The following FRMPD1 variants were observed in gnomAD, a reference collection of about 807,000 sequenced individuals.
FRMPD1 encodes FERM and PDZ domain containing 1, also known as FERM and PDZ domain-containing protein 1.
A neutral mutation model predicts 117.8 loss-of-function variants in FRMPD1; 76 were observed. The observed-to-expected ratio is 0.65, with a 90% CI of 0.54 to 0.78. The LOEUF is 0.78. Among genes scored for constraint, FRMPD1 ranks in the 30% least tolerant of loss-of-function variants. FRMPD1 has a pLI of 0.00. For synonymous variants in FRMPD1, 783 were observed against 770.4 expected, an observed-to-expected ratio of 1.02 and a Z score of -0.27; for missense variants, 1,786 against 1,964.5, an observed-to-expected ratio of 0.91 and a Z score of 1.72.
Position 37,740,471 on chromosome 9 carries a change from G to T in FRMPD1, c.1943G>T (p.Ser648Ile), listed in dbSNP as rs1254477857. The change falls in exon 15 of 16, where the codon AGC (serine) becomes ATC (isoleucine). Residue 648 changes from serine to isoleucine, a missense_variant. Physicochemically the swap from Ser to Ile is moderately radical, Grantham distance 142. Transcript: ENST00000377765. The surrounding 1 kb of genome is among the most constrained non-coding windows in gnomAD (Gnocchi z 4.2). Reference sequence around the variant, plus strand: ...GACTCTGACAGCCAGGAGGAGAGAAGCGGGATTGAAACCAGTGGCTTCCTC... The same window carrying T: ...GACTCTGACAGCCAGGAGGAGAGAATCGGGATTGAAACCAGTGGCTTCCTC... ...SIDSDSQEERSGIETSGFLCL... is the reference protein window; with the variant it reads ...SIDSDSQEERIGIETSGFLCL... 2.5e-6 allele frequency: 4 copies of T among 1,614,228 alleles called. No individual in the cohort carries two copies. In the South Asian group the frequency reaches 3.3e-5, roughly 13 times the overall value.
chr9:37,609,539 C>G, the FRMPD1 span, among the ~76,000 whole-genome samples: 1 of 152,118 alleles, frequency 6.6e-6, no homozygotes, highest in African/African-American at 2.4e-5. Context: ...TAAAGCATAT[C>G]CAGAATCAGA....
intron 1 of FRMPD1, chr9:37,661,605 C>G (rs781042115): frequency 6.6e-6 from 1 of 152,120 alleles, no homozygotes; most frequent in Non-Finnish European, 1.5e-5. Context: ...CTCAAGCTTA[C>G]GGCATTCCTG....
chr9:37,745,957 A>G lies in FRMPD1; in HGVS notation c.3925A>G (p.Ser1309Gly). 1 of 1,614,212 alleles carries G rather than the reference A, an allele frequency of 6.2e-7. No homozygotes were observed. Among genetic ancestry groups the G allele is most frequent in the Non-Finnish European group, 8.5e-7 (1 of 1,180,000 alleles). Reference protein sequence around the residue: ...APESHPEVSASLRVATSLGFA... With the variant: ...APESHPEVSAGLRVATSLGFA... Reference sequence around the variant, plus strand: ...AGAAAGCCATCCTGAAGTCTCTGCCAGTCTCAGGGTGGCCACATCTTTGGG... The same window carrying G: ...AGAAAGCCATCCTGAAGTCTCTGCCGGTCTCAGGGTGGCCACATCTTTGGG... Residue 1309 changes from serine to glycine, a missense_variant, in exon 16 of 16, where the codon AGT (serine) becomes GGT (glycine). By Grantham distance (56) the Ser-to-Gly change is moderately conservative. Coordinates refer to ENST00000377765, the MANE Select transcript of FRMPD1 (RefSeq NM_014907.3).
intron 1 of FRMPD1, among the ~76,000 whole-genome samples, chr9:37,684,756 A>AT (rs951565139): frequency 4.6e-5 from 7 of 151,408 alleles, no homozygotes; most frequent in Admixed American, 1.3e-4. Flanking sequence ...TGATTCCCCA[A>AT]TTTTTTTTTA....
intron 1 of FRMPD1, among the ~76,000 whole-genome samples, chr9:37,653,800 T>C (rs910448767): frequency 6.6e-6 from 1 of 152,130 alleles, no homozygotes; most frequent in African/African-American, 2.4e-5. Flanking sequence ...ACAAAAAATT[T>C]ACAAATTAGC....
chr9:37,720,272 T>G (rs1823333625), intron 6 of FRMPD1, among the ~76,000 whole-genome samples: 1 of 152,164 alleles, frequency 6.6e-6, no homozygotes, highest in Admixed American at 6.5e-5. Flanking sequence ...TTGGATTGAG[T>G]CTCTTTAGAA....
chr9:37,746,799 CTG>C lies in FRMPD1; in HGVS notation c.*32_*33del, dbSNP rs761449095. ...GTCAACGGCCCAAGGGCCTCCTGCC[CTG>C]TCCTGCCTTGGACACTTCCCTGAGA... On this transcript the variant is annotated 3_prime_UTR_variant, in exon 16 of 16. Coordinates refer to ENST00000377765, the MANE Select transcript of FRMPD1 (RefSeq NM_014907.3). 6.6e-6 allele frequency: 10 copies of C among 1,521,708 alleles called. No individual in the cohort carries two copies. The highest frequency in any genetic ancestry group is 9.1e-6 in the Non-Finnish European group (10 of 1,099,000). The allele number at this position is 1,521,708 out of a possible 1,614,324, so 94.3% of individuals were successfully genotyped here.
chr9:37,731,239 G>C (rs1159360878), intron 9 of FRMPD1, 136 bp downstream of exon 9: 2 of 748,584 alleles, frequency 2.7e-6, no homozygotes, highest in Middle Eastern at 3.9e-4. Context: ...GAATGGGCCT[G>C]ATCATCGCTC....
chr9:37,686,918 A>T (rs771041390), intron 1 of FRMPD1, among the ~76,000 whole-genome samples: 6 of 152,142 alleles, frequency 3.9e-5, no homozygotes, highest in Non-Finnish European at 8.8e-5. Flanking sequence ...CAACTACTCT[A>T]GGTAATGTGG....
chr9:37,659,556 G>A (rs914157148), intron 1 of FRMPD1, among the ~76,000 whole-genome samples: 13 of 152,266 alleles, frequency 8.5e-5, no homozygotes, highest in Non-Finnish European at 1.2e-4. Flanking sequence ...CAGACGTAGG[G>A]AAGATCCCAC....
At chr9:37,664,111 G>T (rs1378258074) in intron 1 of FRMPD1, among the ~76,000 whole-genome samples, 2 of 152,018 alleles carry the variant, frequency 1.3e-5, no homozygotes, top group Non-Finnish European at 2.9e-5. Context: ...CTGATTATTA[G>T]GTTCTGTGTC....
At chr9:37,616,589 T>C in the FRMPD1 span, among the ~76,000 whole-genome samples, 1 of 152,190 alleles carries the variant, frequency 6.6e-6, no homozygotes, top group African/African-American at 2.4e-5. Context: ...TTCTTGTAAA[T>C]TCCACCTGCA....
At chr9:37,692,572 T>G in intron 1 of FRMPD1, 66 bp from the exon 2 acceptor site, 1 of 1,020,942 alleles carries the variant, frequency 9.8e-7, no homozygotes, top group Non-Finnish European at 1.6e-6. Flanking sequence ...AGCATCGTCC[T>G]GATTTATCAA....
At chr9:37,618,578 T>G in the FRMPD1 span, among the ~76,000 whole-genome samples, 1 of 152,176 alleles carries the variant, frequency 6.6e-6, no homozygotes, top group Non-Finnish European at 1.5e-5. Context: ...ATATTAAGTG[T>G]CAATACCTTA....
chr9:37,743,652 A>G (rs1433326568), intron 15 of FRMPD1, among the ~76,000 whole-genome samples: 1 of 147,962 alleles, frequency 6.8e-6, no homozygotes, highest in Non-Finnish European at 1.5e-5. Flanking sequence ...GACTCTAACC[A>G]TTGGGGAGAT....
the FRMPD1 span, among the ~76,000 whole-genome samples, chr9:37,614,125 G>T: frequency 6.6e-6 from 1 of 152,198 alleles, no homozygotes; most frequent in African/African-American, 2.4e-5. Flanking sequence ...AAAATGAACA[G>T]GAATGATCTA....
chr9:37,679,858 G>T (rs549748079), intron 1 of FRMPD1, among the ~76,000 whole-genome samples: 2 of 152,244 alleles, frequency 1.3e-5, no homozygotes, highest in African/African-American at 4.8e-5. Context: ...AGCTGACTCA[G>T]CAGTGTCATT....
upstream of FRMPD1, chr9:37,650,921 G>A (rs992262574): frequency 2.0e-5 from 3 of 149,312 alleles, no homozygotes. Context: ...GGCCCGGCCC[G>A]GCCAACCCCT....
At chr9:37,674,626 A>G (rs995544135) in intron 1 of FRMPD1, among the ~76,000 whole-genome samples, 38 of 152,352 alleles carry the variant, frequency 2.5e-4, no homozygotes, top group African/African-American at 8.4e-4. Flanking sequence ...AAAGAGGTTT[A>G]ATTGGACTTA....
Sources: gnomAD v4.1 joint callset for allele counts (sites outside exome capture counted in the v4.1 genomes callset) on GRCh38, gnomAD v4.1.1 for gene constraint, Gnocchi (gnomAD v3.1) non-coding constraint, MANE v1.5 for transcripts, NCBI Gene and HGNC (gene_info 2026-07-23, HGNC 2026-07-21) for gene names.